ITPR2: variants seen among roughly 807,000 people sequenced by gnomAD.
ITPR2 encodes inositol 1,4,5-trisphosphate-gated calcium channel ITPR2.
Under a neutral mutation model 317.1 loss-of-function variants are expected in ITPR2, and 207 were observed. That is an observed-to-expected ratio of 0.65 (90% CI 0.58 to 0.73). The LOEUF is 0.73. ITPR2 is among the 30% of genes least tolerant of loss of function. The pLI is 0.00. For missense variants in ITPR2, 2,613 were observed against 3,284.0 expected, an observed-to-expected ratio of 0.80 and a Z score of 4.99; for synonymous variants, 1,156 against 1,149.1, an observed-to-expected ratio of 1.01 and a Z score of -0.12.
chr12:26,655,563 G>A lies in ITPR2; in HGVS notation c.2589+145C>T, dbSNP rs558916770. On this transcript the variant is annotated intron_variant, in intron 20 of 56. Transcript: ENST00000381340. ...CGGGAGGCGGAGCTTGCAGTGAGCC[G>A]AGATCATGCCACTGCACTCCAGCCT... 4.0e-3 allele frequency: 2,273 copies of A among 571,806 alleles called. 3 individuals are homozygous for A. Among genetic ancestry groups the A allele is most frequent in the Non-Finnish European group, 5.6e-3 (1,953 of 349,034 alleles). 35.4% of individuals were successfully genotyped at this position (571,806 alleles called of 1,614,324 possible). A position where few individuals can be genotyped will look rare whatever the true frequency, so the allele number is the denominator to read the frequency against.
rs892280323 is a variant in ITPR2, at chr12:26,621,287, G to A, written c.3298C>T (p.Leu1100=). ...TTATCTACGTCTTGATTAGACACCAGTAATTGCACCTAAAACAGAAGAATT... is the reference window on the plus strand; with the variant it reads ...TTATCTACGTCTTGATTAGACACCAATAATTGCACCTAAAACAGAAGAATT... ...VLQAFKQVQL[L]VSNQDVDNYK... Residue 1100 remains leucine, a synonymous_variant, in exon 26 of 57, where the codon CTG becomes TTG. Transcript: ENST00000381340. The A allele has an allele frequency of 2.5e-6, 4 of 1,607,160 alleles. No homozygotes were observed. The highest frequency in any genetic ancestry group is 3.4e-6 in the Non-Finnish European group (4 of 1,176,810).
Position 26,715,880 on chromosome 12 carries a change from T to C in ITPR2, c.625-45A>G, listed in dbSNP as rs572765687. 94 of 1,303,376 alleles carry C rather than the reference T, an allele frequency of 7.2e-5. 2 individuals carry two copies. Among genetic ancestry groups the C allele is most frequent in the South Asian group, 6.8e-4 (56 of 82,660 alleles). 80.7% of individuals were successfully genotyped at this position (1,303,376 alleles called of 1,614,324 possible). A position where few individuals can be genotyped will look rare whatever the true frequency, so the allele number is the denominator to read the frequency against. On this transcript the variant is annotated intron_variant, in intron 6 of 56. Coordinates refer to ENST00000381340, the MANE Select transcript of ITPR2 (RefSeq NM_002223.4). ...CAAAGTTATAAGACTACAGATTCCA[T>C]TCTCTACCAGAAATTATTAGTTCAA...
intron 47 of ITPR2, among the ~76,000 whole-genome samples, chr12:26,436,917 ATC>A (rs1941365989): frequency 6.6e-6 from 1 of 152,228 alleles, no homozygotes; most frequent in South Asian, 2.1e-4. Context: ...TAAACCTTAA[ATC>A]TTCCTAAGAA....
At chr12:26,348,334 G>A (rs1195899345) in intron 55 of ITPR2, among the ~76,000 whole-genome samples, 1 of 152,174 alleles carries the variant, frequency 6.6e-6, no homozygotes, top group East Asian at 1.9e-4. Context: ...TGGTTATGGG[G>A]CGTGGTTATG....
At position 26,518,285 on chromosome 12, in the gene ITPR2, C is replaced by T. The variant is rs149991797; in HGVS notation, c.5074-23025G>A. On this transcript the variant is annotated intron_variant, in intron 37 of 56. Transcript: ENST00000381340. ...ACACAGGAACAGAAAACCAAGTACC[C>T]CATGTTCTCACTTATAAGGAGGAGC... Among the ~76,000 whole-genome samples, 971 of 152,254 alleles carry T rather than the reference C, an allele frequency of 6.4e-3. 5 individuals carry two copies. Among genetic ancestry groups the T allele is most frequent in the Non-Finnish European group, 9.1e-3 (619 of 68,014 alleles).
At chr12:26,402,627 T>C (rs985713524) in intron 52 of ITPR2, among the ~76,000 whole-genome samples, 1 of 152,234 alleles carries the variant, frequency 6.6e-6, no homozygotes, top group Non-Finnish European at 1.5e-5. Context: ...GAGAACACCC[T>C]GGTCAGGTCA....
intron 2 of ITPR2, among the ~76,000 whole-genome samples, chr12:26,784,325 C>G (rs61920580): frequency 0.21 from 3,760 of 17,884 alleles, 720 homozygotes; most frequent in East Asian, 0.56. Flanking sequence ...CTCTGCCTCT[C>G]CCTCTCCCTC....
chr12:26,537,040 G>A (rs569639341), intron 37 of ITPR2, among the ~76,000 whole-genome samples: 1 of 152,210 alleles, frequency 6.6e-6, no homozygotes, highest in Non-Finnish European at 1.5e-5. Flanking sequence ...GGGCCAGGGA[G>A]TCTTCAAATA....
chr12:26,506,072 T>C (rs1260076656), intron 37 of ITPR2, among the ~76,000 whole-genome samples: 1 of 149,932 alleles, frequency 6.7e-6, no homozygotes, highest in South Asian at 2.2e-4. Flanking sequence ...TAAAAATACT[T>C]AATATGTAAA....
chr12:26,514,178 CAACT>C (rs1396839148), intron 37 of ITPR2, among the ~76,000 whole-genome samples: 1 of 152,054 alleles, frequency 6.6e-6, no homozygotes, highest in East Asian at 1.9e-4. Context: ...TAAAAGCTTC[CAACT>C]AACTACGATG....
In ITPR2 at chr12:26,516,285, GGGAAA is replaced by G. The variant is rs1230277194; in HGVS notation, c.5074-21030_5074-21026del. On this transcript the variant is annotated intron_variant, in intron 37 of 56. Transcript: ENST00000381340. ...AGGAAAGGAAAGGAAGGGAAGGGAAGGGAAAGGAAAGGAAAGGAAAGGAAAGGAAA... is the reference window on the plus strand; with the variant it reads ...AGGAAAGGAAAGGAAGGGAAGGGAAGGGAAAGGAAAGGAAAGGAAAGGAAA... Among the ~76,000 whole-genome samples the G allele has an allele frequency of 1.0e-2, 427 of 42,728 alleles. 4 individuals are homozygous for G. Among genetic ancestry groups the G allele is most frequent in the Admixed American group, 0.023 (69 of 3,058 alleles). 28.0% of individuals were successfully genotyped at this position (42,728 alleles called of 152,430 possible). A position where few individuals can be genotyped will look rare whatever the true frequency, so the allele number is the denominator to read the frequency against.
chr12:26,682,587 G>T lies in ITPR2; in HGVS notation c.1235C>A (p.Pro412His). 6.2e-7 allele frequency: 1 copy of T among 1,604,892 alleles called. No homozygotes were observed. Among genetic ancestry groups the T allele is most frequent in the Non-Finnish European group, 8.5e-7 (1 of 1,173,496 alleles). Residue 412 changes from proline to histidine, a missense_variant, in exon 12 of 57, where the codon CCT becomes CAT. Physicochemically the swap from Pro to His is moderately conservative, Grantham distance 77. This residue lies in a region of ITPR2 where 515 missense variants were observed against 789.4 expected (regional missense o/e 0.65). Transcript: ENST00000381340. ...AGTGACATTTACCTTTAACATAACA[G>T]GCCTCTCTTCATCTGTGTCTATGGG... is the stretch of plus-strand genomic sequence containing the variant. ...SIPIDTDEER[P>H]VMLKIGTCQT...
intron 1 of ITPR2, among the ~76,000 whole-genome samples, chr12:26,815,031 C>T (rs1159120194): frequency 1.3e-5 from 2 of 152,184 alleles, no homozygotes; most frequent in Non-Finnish European, 2.9e-5. Context: ...GAAGTTTAAT[C>T]AGAATTCTTA....
At position 26,658,247 on chromosome 12, in the gene ITPR2, T is replaced by C. The variant is rs144130816; in HGVS notation, c.1887-117A>G. The C allele has an allele frequency of 5.5e-4, 344 of 625,570 alleles. 3 individuals carry two copies. In the East Asian group the frequency reaches 0.011, roughly 20 times the overall value. 38.8% of individuals were successfully genotyped at this position (625,570 alleles called of 1,614,324 possible). ...AACTTATTATATGTTTTAATATTAT[T>C]TCCACACAACATTTGTCTAATGTGT... is the stretch of plus-strand genomic sequence containing the variant. On this transcript the variant is annotated intron_variant, in intron 16 of 56. Coordinates refer to ENST00000381340, the MANE Select transcript of ITPR2 (RefSeq NM_002223.4).
At chr12:26,576,818 C>G (rs1459012351) in intron 34 of ITPR2, among the ~76,000 whole-genome samples, 3 of 152,130 alleles carry the variant, frequency 2.0e-5, no homozygotes, top group Non-Finnish European at 4.4e-5. Flanking sequence ...TTTATTGTGT[C>G]CCTCGAAGTT....
chr12:26,368,476 GATA>G (rs532744515), intron 55 of ITPR2, among the ~76,000 whole-genome samples: 262 of 152,256 alleles, frequency 1.7e-3, no homozygotes, highest in Non-Finnish European at 2.8e-3. Context: ...TGTAAAGGTA[GATA>G]ATATTACTAC....
intron 2 of ITPR2, among the ~76,000 whole-genome samples, chr12:26,753,064 G>A (rs1458627413): frequency 6.6e-6 from 1 of 152,170 alleles, no homozygotes; most frequent in Non-Finnish European, 1.5e-5. Flanking sequence ...TGGTGGTGGG[G>A]TAGCTGGGTA....
At chr12:26,775,080 T>C (rs1949935490) in intron 2 of ITPR2, among the ~76,000 whole-genome samples, 1 of 152,194 alleles carries the variant, frequency 6.6e-6, no homozygotes, top group Non-Finnish European at 1.5e-5. Flanking sequence ...CTCATCTGTG[T>C]TTCCTGGGAT....
intron 55 of ITPR2, among the ~76,000 whole-genome samples, chr12:26,370,805 G>A (rs1437116033): frequency 6.6e-6 from 1 of 152,186 alleles, no homozygotes; most frequent in Non-Finnish European, 1.5e-5. Flanking sequence ...CTCCCCAGTA[G>A]CTGGGATTAC....
Sources: allele counts gnomAD v4.1 joint callset (sites outside exome capture counted in the v4.1 genomes callset), GRCh38; gene constraint gnomAD v4.1.1; regional missense constraint gnomAD v4.1.1; transcripts MANE v1.5; gene names NCBI Gene and HGNC (gene_info 2026-07-23, HGNC 2026-07-21).